The following LPCAT4 variants were observed in gnomAD, a reference collection of about 807,000 sequenced individuals.
The protein encoded by LPCAT4 is lysophosphatidylcholine acyltransferase 4.
In LPCAT4, 30 loss-of-function variants were observed where a neutral mutation model predicts 66.5. The observed-to-expected ratio is 0.45, with a 90% CI of 0.34 to 0.61. The LOEUF is 0.61. Ranked by LOEUF, LPCAT4 falls within the 20% of genes least tolerant of loss-of-function variation. The pLI is 0.01. For synonymous variants in LPCAT4, 253 were observed against 262.1 expected (o/e 0.97, Z 0.34); for missense variants, 557 against 656.7 (o/e 0.85, Z 1.66).
intron 2 of LPCAT4, 101 bp from the exon 3 acceptor site, chr15:34,365,329 T>G: frequency 9.2e-6 from 12 of 1,307,562 alleles, no homozygotes; most frequent in Non-Finnish European, 1.3e-5. Context: ...CTTTTACCCT[T>G]AAATAGGATG....
At chr15:34,361,727 T>C (rs1890949688) in intron 10 of LPCAT4, among the ~76,000 whole-genome samples, 195 bp from the exon 11 acceptor site, 1 of 152,020 alleles carries the variant, frequency 6.6e-6, no homozygotes, top group Non-Finnish European at 1.5e-5. Flanking sequence ...TTTGACGGAG[T>C]CTTGCTCTGT....
At chr15:34,361,256 A>T (rs1053100800) in intron 11 of LPCAT4, 144 bp downstream of exon 11, 2 of 1,504,328 alleles carry the variant, frequency 1.3e-6, no homozygotes, top group Non-Finnish European at 1.8e-6. Context: ...TCTTCAGTGG[A>T]TCTCAGGGGA....
intron 2 of LPCAT4, 38 bp from the exon 3 acceptor site, chr15:34,365,266 T>TTCTAACCC: frequency 6.4e-7 from 1 of 1,562,646 alleles, no homozygotes; most frequent in Non-Finnish European, 8.7e-7. Context: ...GAAGCAGTGG[T>TTCTAACCC]TCTAACCCTC....
chr15:34,361,044 A>G, intron 11 of LPCAT4: 3 of 296,988 alleles, frequency 1.0e-5, no homozygotes, highest in East Asian at 1.1e-4. Context: ...TTTCTTCTAC[A>G]TGTCATCTTC....
rs1455304567 is a variant in LPCAT4 at position 34,361,217 on chromosome 15, A to G, written c.1143+183T>C. ...CTCATGATGATAACATTGCTCTTCA[A>G]TGCACTGGATGCCTGATTAAAAAAT... On this transcript the variant is annotated intron_variant, in intron 11 of 13. Coordinates refer to ENST00000314891, the MANE Select transcript of LPCAT4 (RefSeq NM_153613.3). The G allele has an allele frequency of 2.0e-6, 3 of 1,479,488 alleles. No homozygotes were observed. In the East Asian group the frequency reaches 7.0e-5, roughly 34 times the overall value. The allele number at this position is 1,479,488 out of a possible 1,614,324, so 91.6% of individuals were successfully genotyped here.
chr15:34,366,671 A>T (rs1029001564), intron 1 of LPCAT4, among the ~76,000 whole-genome samples: 2 of 119,326 alleles, frequency 1.7e-5, no homozygotes, highest in Admixed American at 1.1e-4. Flanking sequence ...CCTAGCCATC[A>T]GGCTCTGCAG....
rs1334563009 is a variant in LPCAT4, at chr15:34,366,004, A to G, written c.115-303T>C. On this transcript the variant is annotated intron_variant, in intron 1 of 13. Transcript: ENST00000314891. Reference sequence around the variant, plus strand: ...CACTTAGAGGATTTAATAAGAATGCATGCGAAAGTGCAGGGCGCTGTGCTT... The same window carrying G: ...CACTTAGAGGATTTAATAAGAATGCGTGCGAAAGTGCAGGGCGCTGTGCTT... 8 of 316,958 alleles carry G rather than the reference A, an allele frequency of 2.5e-5. No individual in the cohort carries two copies. The South Asian group carries it at 2.6e-4, about 10-fold the overall frequency. The allele number at this position is 316,958 out of a possible 1,614,324, so 19.6% of individuals were successfully genotyped here.
intron 3 of LPCAT4, chr15:34,364,584 C>T (rs769477665): frequency 9.3e-4 from 135 of 144,418 alleles, no homozygotes; most frequent in Admixed American, 3.1e-3. Context: ...CCACCACGCC[C>T]GGCTAATTTT....
chr15:34,360,072 A>G (rs1338895135), intron 12 of LPCAT4, 39 bp downstream of exon 12: 2 of 1,483,476 alleles, frequency 1.3e-6, no homozygotes, highest in Non-Finnish European at 1.9e-6. Flanking sequence ...GGGTGAGCAT[A>G]GCCACTAAGC....
Position 34,359,107 on chromosome 15 carries a change from G to A in LPCAT4, c.*20C>T. 6.3e-7 allele frequency: 1 copy of A among 1,592,516 alleles called. No homozygotes were observed. Among genetic ancestry groups the A allele is most frequent in the East Asian group, 2.3e-5 (1 of 44,184 alleles). ...CCCCTAGCGCTGCCCTGAGGAGGAG[G>A]GGGTGAGAGGCTGAGGCACTCAGTC... On this transcript the variant is annotated 3_prime_UTR_variant, in exon 14 of 14. Coordinates refer to ENST00000314891, the MANE Select transcript of LPCAT4 (RefSeq NM_153613.3).
intron 12 of LPCAT4, 180 bp downstream of exon 12, chr15:34,359,931 G>A (rs1254360516): frequency 3.7e-6 from 3 of 809,920 alleles, no homozygotes; most frequent in Non-Finnish European, 5.8e-6. Flanking sequence ...CCTTCTTCTT[G>A]TGCCCAGCTA....
intron 8 of LPCAT4, 61 bp from the exon 9 acceptor site, chr15:34,362,716 C>A (rs1890976358): frequency 1.2e-6 from 2 of 1,611,412 alleles, no homozygotes; most frequent in Admixed American, 1.7e-5. Flanking sequence ...ACCACTCCCA[C>A]CCTCTTTTCC....
chr15:34,367,159 A>G lies in LPCAT4; in HGVS notation c.-59T>C, dbSNP rs1240416493. On this transcript the variant is annotated 5_prime_UTR_variant, in exon 1 of 14. Coordinates refer to ENST00000314891, the MANE Select transcript of LPCAT4 (RefSeq NM_153613.3). ...CCTGGCCCCGGCCACCACTCTGCAG[A>G]GCAGCTGCTGCTGCAGCAGCGGCGG... 24 of 1,358,572 alleles carry G rather than the reference A, an allele frequency of 1.8e-5. No homozygotes were observed. In the Admixed American group the frequency reaches 2.1e-4, roughly 12 times the overall value. The allele number at this position is 1,358,572 out of a possible 1,614,324, so 84.2% of individuals were successfully genotyped here.
Position 34,363,859 on chromosome 15 carries a change from A to T in LPCAT4, c.653-140T>A. On this transcript the variant is annotated intron_variant, in intron 5 of 13. Coordinates refer to ENST00000314891, the MANE Select transcript of LPCAT4 (RefSeq NM_153613.3). This position sits in a 1 kb window ranked among gnomAD's most constrained non-coding sequence, Gnocchi z 4.3. ...CCACTCATTGATAATTTTCTCTCTG[A>T]CTCCTCGACTTGACAGCATTAGCTA... 1 of 1,295,916 alleles carries T rather than the reference A, an allele frequency of 7.7e-7. No homozygotes were observed. The highest frequency in any genetic ancestry group is 1.1e-6 in the Non-Finnish European group (1 of 902,422). 80.3% of individuals were successfully genotyped at this position (1,295,916 alleles called of 1,614,324 possible). A position where few individuals can be genotyped will look rare whatever the true frequency, so the allele number is the denominator to read the frequency against.
At position 34,363,358 on chromosome 15, in the gene LPCAT4, TG is replaced by T. The variant is rs1566894523; in HGVS notation, c.746+63del. ...TTCACCTTGTCGGGAGATTGGAAGA[TG>T]GGCCAGGAATTCTCTGATGGACCCT... On this transcript the variant is annotated intron_variant, in intron 7 of 13. Coordinates refer to ENST00000314891, the MANE Select transcript of LPCAT4 (RefSeq NM_153613.3). The surrounding 1 kb of genome is among the most constrained non-coding windows in gnomAD (Gnocchi z 4.3). The T allele has an allele frequency of 2.6e-6, 4 of 1,554,066 alleles. No homozygotes were observed. The highest frequency in any genetic ancestry group is 1.8e-6 in the Non-Finnish European group (2 of 1,138,734).
intron 13 of LPCAT4, 138 bp downstream of exon 13, chr15:34,359,451 G>T: frequency 7.5e-7 from 1 of 1,333,354 alleles, no homozygotes; most frequent in Non-Finnish European, 1.0e-6. Flanking sequence ...TTTCTAGCCT[G>T]TTCCTCCCAG....
At chr15:34,366,156 C>T (rs1466972795) in intron 1 of LPCAT4, among the ~76,000 whole-genome samples, 3 of 152,208 alleles carry the variant, frequency 2.0e-5, no homozygotes, top group Non-Finnish European at 4.4e-5. Flanking sequence ...GGGCTGTAAA[C>T]AGCCAGAGGT....
intron 11 of LPCAT4, 140 bp from the exon 12 acceptor site, chr15:34,360,349 C>G: frequency 1.5e-6 from 1 of 657,738 alleles, no homozygotes; most frequent in Non-Finnish European, 2.7e-6. Context: ...GAGCTCCAAA[C>G]TCTTTAGGAT....
At chr15:34,359,921 CCTT>C (rs1481815222) in intron 12 of LPCAT4, 176 bp from the exon 13 acceptor site, 1 of 823,554 alleles carries the variant, frequency 1.2e-6, no homozygotes. Flanking sequence ...CCTTCTTCTT[CCTT>C]CTTCTTGTGC....
Sources: gnomAD v4.1 joint callset for allele counts (sites outside exome capture counted in the v4.1 genomes callset) on GRCh38, gnomAD v4.1.1 for gene constraint, Gnocchi (gnomAD v3.1) non-coding constraint, MANE v1.5 for transcripts, NCBI Gene and HGNC (gene_info 2026-07-23, HGNC 2026-07-21) for gene names.